The following SP3 variants were observed in gnomAD, a reference collection of about 807,000 sequenced individuals.
SP3 encodes the protein Sp3 transcription factor, also known as transcription factor Sp3.
A neutral mutation model predicts 70.3 loss-of-function variants in SP3; 10 were observed. The ratio of observed to expected loss-of-function variants is 0.14; its 90% CI spans 0.09 to 0.24. The LOEUF (loss-of-function observed/expected upper bound fraction) is 0.24. Among genes scored for constraint, SP3 ranks in the 10% least tolerant of loss-of-function variants. The probability of loss-of-function intolerance (pLI) is 1.00; values close to 1 mark genes in which losing one functional copy is unlikely to be tolerated. For missense variants in SP3, 825 were observed against 914.6 expected, an observed-to-expected ratio of 0.90 and a Z score of 1.26; for synonymous variants, 402 against 333.5, an observed-to-expected ratio of 1.21 and a Z score of -2.24.
At chr2:173,964,338 G>A (rs1238671150) in intron 2 of SP3, 67 bp downstream of exon 2, 11 of 640,574 alleles carry the variant, frequency 1.7e-5, no homozygotes, top group South Asian at 1.7e-4. Context: ...GAGGAGGGAG[G>A]GGAGAGGCGA....
chr2:173,964,804 GC>G, intron 1 of SP3: 2 of 463,196 alleles, frequency 4.3e-6, no homozygotes, highest in Non-Finnish European at 7.5e-6. Flanking sequence ...CGCTGCCCCT[GC>G]CCCCTCTCCT....
chr2:173,929,675 C>T (rs978807470), intron 4 of SP3, among the ~76,000 whole-genome samples: 1 of 152,184 alleles, frequency 6.6e-6, no homozygotes, highest in African/African-American at 2.4e-5. Context: ...TCTAAGTCTG[C>T]TGTTCTCTGT....
At chr2:173,964,877 G>C (rs1388817609) in intron 1 of SP3, 5 of 499,412 alleles carry the variant, frequency 1.0e-5, no homozygotes, top group African/African-American at 2.1e-5. Context: ...CGCACCGTCA[G>C]TCACTCACAC....
In SP3 at chr2:173,962,421, A is replaced by C. The variant is rs541555817; in HGVS notation, c.279+1340T>G. On this transcript the variant is annotated intron_variant, in intron 3 of 6. Transcript: ENST00000310015. ...TGGCACTTTGGAACTAGAGGGATAC[A>C]GTTCATAAAAAAATCTACCAACTCT... Among the ~76,000 whole-genome samples the C allele has an allele frequency of 1.2e-4, 19 of 152,376 alleles. No individual in the cohort carries two copies. In the South Asian group the frequency reaches 3.7e-3, roughly 30 times the overall value.
At chr2:173,964,074 C>G (rs1457647216) in intron 2 of SP3, 191 bp from the exon 3 acceptor site, 1 of 348,490 alleles carries the variant, frequency 2.9e-6, no homozygotes, top group African/African-American at 2.2e-5. Flanking sequence ...GCGTCCCCCG[C>G]TCCAAGCACC....
At position 173,905,918 on chromosome 2, in the gene SP3, T is replaced by C. The variant is rs1312197900; in HGVS notation, c.*4023A>G. On this transcript the variant is annotated 3_prime_UTR_variant, in exon 7 of 7. Transcript: ENST00000310015. ...AGAGGCCGAAGTGGGGAGGATTGCTTGAGACCAGTAAGTGGAGTCTGCAGT... is the reference window on the plus strand; with the variant it reads ...AGAGGCCGAAGTGGGGAGGATTGCTCGAGACCAGTAAGTGGAGTCTGCAGT... 1.3e-5 allele frequency among the ~76,000 whole-genome samples: 2 copies of C among 152,106 alleles called. No homozygotes were observed. The highest frequency in any genetic ancestry group is 4.8e-5 in the African/African-American group (2 of 41,416).
chr2:173,925,910 A>C (rs761060615), intron 4 of SP3, among the ~76,000 whole-genome samples: 8 of 152,180 alleles, frequency 5.3e-5, no homozygotes, highest in Non-Finnish European at 7.4e-5. Context: ...GTAATTCCTA[A>C]CTGCTATCCA....
chr2:173,960,848 CG>C (rs1559111629), intron 3 of SP3, among the ~76,000 whole-genome samples: 1 of 151,916 alleles, frequency 6.6e-6, no homozygotes, highest in Non-Finnish European at 1.5e-5. Flanking sequence ...TGGTGGCACA[CG>C]CCTGTCGTCC....
rs1689614468 is a variant in SP3 at position 173,916,170 on chromosome 2, A to C, written c.1832+2423T>G. The C allele has an allele frequency of 2.0e-5, 3 of 152,090 alleles. No individual in the cohort carries two copies. In the South Asian group the frequency reaches 6.2e-4, roughly 31 times the overall value. The allele number at this position is 152,090 out of a possible 1,614,324, so 9.4% of individuals were successfully genotyped here. On this transcript the variant is annotated intron_variant, in intron 5 of 6. Coordinates refer to ENST00000310015, the MANE Select transcript of SP3 (RefSeq NM_003111.5). ...TCAAACAAGCTCTAAGAAACAATAT[A>C]GTTTCTTTTCTTAGGAATCTCAATT...
chr2:173,925,213 T>A (rs1574404504), intron 4 of SP3, among the ~76,000 whole-genome samples: 1 of 152,202 alleles, frequency 6.6e-6, no homozygotes, highest in African/African-American at 2.4e-5. Flanking sequence ...TGCTATTATA[T>A]GTGAAATATT....
In SP3 at chr2:173,913,066, T is replaced by A; in HGVS notation, c.2029+4A>T. On this transcript the variant is annotated splice_donor_region_variant and intron_variant, in intron 6 of 6. Coordinates refer to ENST00000310015, the MANE Select transcript of SP3 (RefSeq NM_003111.5). ...TTTGTCTGTTAAAAGTAAGTATTAG[T>A]AACCTGTATGTGTTCTTCTGTGCCT... 1 of 1,588,262 alleles carries A rather than the reference T, an allele frequency of 6.3e-7. No individual in the cohort carries two copies. The highest frequency in any genetic ancestry group is 8.6e-7 in the Non-Finnish European group (1 of 1,164,788).
intron 3 of SP3, among the ~76,000 whole-genome samples, chr2:173,958,340 A>G (rs1366690633): frequency 6.6e-6 from 1 of 151,730 alleles, no homozygotes; most frequent in Non-Finnish European, 1.5e-5. Context: ...CTTTCTAGTC[A>G]AGAAATTCCT....
chr2:173,964,589 G>A (rs763113679), intron 1 of SP3, 36 bp from the exon 2 acceptor site: 3 of 607,060 alleles, frequency 4.9e-6, no homozygotes, highest in South Asian at 1.6e-5. Flanking sequence ...GGGTGGGGAG[G>A]AAGGCGGGTG....
At chr2:173,921,501 C>A (rs1305008754) in intron 4 of SP3, among the ~76,000 whole-genome samples, 3 of 151,348 alleles carry the variant, frequency 2.0e-5, no homozygotes, top group African/African-American at 7.3e-5. Flanking sequence ...CCAGCCTGAG[C>A]CAAGAGAGAG....
At chr2:173,916,845 A>G (rs1689629161) in intron 5 of SP3, 1 of 152,094 alleles carries the variant, frequency 6.6e-6, no homozygotes, top group South Asian at 2.1e-4. Flanking sequence ...ATTCCCAACA[A>G]AAGATGTTAA....
intron 4 of SP3, among the ~76,000 whole-genome samples, chr2:173,931,555 G>A (rs1690068225): frequency 6.6e-6 from 1 of 151,924 alleles, no homozygotes; most frequent in Admixed American, 6.6e-5. Flanking sequence ...TATTGGCCAG[G>A]CTGGTCTTCA....
At chr2:173,935,371 CCT>C (rs1443554423) in intron 4 of SP3, among the ~76,000 whole-genome samples, 6 of 152,132 alleles carry the variant, frequency 3.9e-5, no homozygotes, top group African/African-American at 1.2e-4. Flanking sequence ...TAGATGCTTT[CCT>C]GATGGAAAAT....
chr2:173,913,244 T>C lies in SP3; in HGVS notation c.1855A>G (p.Lys619Glu). The C allele has an allele frequency of 6.3e-7, 1 of 1,598,276 alleles. No homozygotes were observed. Among genetic ancestry groups the C allele is most frequent in the South Asian group, 1.1e-5 (1 of 87,710 alleles). ...GGRGTNLGKK[K>E]QHICHIPGCG... The stretch of plus-strand genomic sequence containing the variant: ...CCTGGTATATGACAAATGTGTTGCT[T>C]CTTTTTCCCAAGATTGGTACCTCTA... The change falls in exon 6 of 7, where the codon AAG becomes GAG. Residue 619 changes from lysine (K) to glutamate (E), a missense_variant. Lys to Glu is a moderately conservative substitution (Grantham distance 56). This residue lies in a region of SP3 where 37 missense variants were observed against 66.2 expected (regional missense o/e 0.56). Transcript: ENST00000310015.
Position 173,937,017 on chromosome 2 carries a change from GTTGAT to G in SP3, c.1639+17851_1639+17855del, listed in dbSNP as rs374333387. On this transcript the variant is annotated intron_variant, in intron 4 of 6. Transcript: ENST00000310015. ...TGCAGATCACACACTGATTTATATT[GTTGAT>G]TACTACTCCATGTATCTATCTTAAA... 6.5e-4 allele frequency among the ~76,000 whole-genome samples: 99 copies of G among 152,028 alleles called. 3 individuals are homozygous for G. In the South Asian group the frequency reaches 0.02, roughly 31 times the overall value.
Sources: gnomAD v4.1 joint callset for allele counts (sites outside exome capture counted in the v4.1 genomes callset) on GRCh38, gnomAD v4.1.1 for gene constraint, gnomAD v4.1.1 regional missense constraint, MANE v1.5 for transcripts, NCBI Gene and HGNC (gene_info 2026-07-23, HGNC 2026-07-21) for gene names.